Variants in SEC31A observed in about 807,000 individuals in gnomAD.
SEC31A encodes the protein SEC31 homolog A, COPII component.
SEC31A carries 70 observed loss-of-function variants against 151.0 expected under a neutral mutation model. That is an observed-to-expected ratio of 0.46 (90% CI 0.38 to 0.57). The LOEUF is 0.57. Ranked by LOEUF, SEC31A falls within the 20% of genes least tolerant of loss-of-function variation. SEC31A has a pLI of 0.00. For synonymous variants in SEC31A, 475 were observed against 505.9 expected (o/e 0.94, Z 0.82); for missense variants, 1,330 against 1,471.2 (o/e 0.90, Z 1.57).
intron 14 of SEC31A, 75 bp from the exon 15 acceptor site, chr4:82,857,839 CAT>C (rs902884983): frequency 3.7e-5 from 32 of 872,500 alleles, no homozygotes; most frequent in Admixed American, 1.4e-4. Context: ...AAAATTTACA[CAT>C]GATTCTTCAT....
intron 6 of SEC31A, among the ~76,000 whole-genome samples, chr4:82,872,475 C>T (rs887662605): frequency 8.5e-5 from 13 of 152,090 alleles, no homozygotes. Context: ...AGGCATGAGC[C>T]ACCGCGCCTG....
At chr4:82,890,192 A>G (rs1741983256) in intron 1 of SEC31A, among the ~76,000 whole-genome samples, 1 of 116,018 alleles carries the variant, frequency 8.6e-6, no homozygotes, top group Non-Finnish European at 1.7e-5. Flanking sequence ...ACAGAGCGAG[A>G]CTCCGTCTCA....
chr4:82,870,553 C>A lies in SEC31A; in HGVS notation c.783-129G>T, dbSNP rs55873673. On this transcript the variant is annotated intron_variant, in intron 7 of 26. Coordinates refer to ENST00000395310, the MANE Select transcript of SEC31A (RefSeq NM_001077207.4). ...ACAATTAAATGCAAGAGTTTCAGCG[C>A]CGGGCGCATTGGCTCACACCTGTAA... 6,000 of 730,258 alleles carry A rather than the reference C, an allele frequency of 8.2e-3. 288 individuals are homozygous for A. The African/African-American group carries it at 0.097, about 12-fold the overall frequency. The allele number at this position is 730,258 out of a possible 1,614,324, so 45.2% of individuals were successfully genotyped here.
At chr4:82,820,303 A>G (rs1446980070) in intron 26 of SEC31A, among the ~76,000 whole-genome samples, 2 of 152,012 alleles carry the variant, frequency 1.3e-5, no homozygotes, top group Non-Finnish European at 2.9e-5. Flanking sequence ...CAAGGACCAC[A>G]CTACTTCCAC....
At chr4:82,882,542 G>A (rs933546944) in intron 1 of SEC31A, among the ~76,000 whole-genome samples, 7 of 151,376 alleles carry the variant, frequency 4.6e-5, no homozygotes, top group Admixed American at 1.3e-4. Context: ...TAATAAGGTA[G>A]TACCTGAAGA....
chr4:82,874,782 C>T lies in SEC31A; in HGVS notation c.499-31G>A, dbSNP rs541444205. 57 of 1,582,244 alleles carry T rather than the reference C, an allele frequency of 3.6e-5. No individual in the cohort carries two copies. In the East Asian group the frequency reaches 5.0e-4, roughly 14 times the overall value. Reference sequence around the variant, plus strand: ...AGGAAGAAACAGTTAATAAAAACTGCTTGTTTCTCTATTATAATCAAATTT... The same window carrying T: ...AGGAAGAAACAGTTAATAAAAACTGTTTGTTTCTCTATTATAATCAAATTT... On this transcript the variant is annotated intron_variant, in intron 5 of 26. Coordinates refer to ENST00000395310, the MANE Select transcript of SEC31A (RefSeq NM_001077207.4).
rs370588646 is a variant in SEC31A, at chr4:82,844,489, C to T, written c.2523G>A (p.Pro841=). 30 of 1,613,498 alleles carry T rather than the reference C, an allele frequency of 1.9e-5. No homozygotes were observed. Among genetic ancestry groups the T allele is most frequent in the Middle Eastern group, 1.6e-4 (1 of 6,082 alleles). Residue 841 remains proline (P), a synonymous_variant, in exon 21 of 27, where the codon CCG becomes CCA. Coordinates refer to ENST00000395310, the MANE Select transcript of SEC31A (RefSeq NM_001077207.4). The stretch of plus-strand genomic sequence containing the variant: ...TAACATTTCCATGCATTATGAAACC[C>T]GGAGGTGGAGGATTTTCTCCCTAAG... The part of the protein sequence containing the change: ...YYPHGENPPP[P]GFIMHGNVNP...
chr4:82,880,547 C>T (rs1739038800), intron 3 of SEC31A: 1 of 275,056 alleles, frequency 3.6e-6, no homozygotes, highest in Non-Finnish European at 6.7e-6. Context: ...CGAGATCGTG[C>T]CACTGCACTC....
intron 25 of SEC31A, among the ~76,000 whole-genome samples, chr4:82,821,716 A>G (rs1723404997): frequency 6.6e-6 from 1 of 152,106 alleles, no homozygotes; most frequent in Non-Finnish European, 1.5e-5. Flanking sequence ...AACTCACTTG[A>G]TAAGGTATAT....
chr4:82,878,857 C>T lies in SEC31A; in HGVS notation c.275G>A (p.Gly92Asp). Residue 92 changes from glycine to aspartate, a missense_variant, in exon 4 of 27, where the codon GGT becomes GAT. Physicochemically the swap from Gly to Asp is moderately conservative, Grantham distance 94. Coordinates refer to ENST00000395310, the MANE Select transcript of SEC31A (RefSeq NM_001077207.4). ...GAGAATAATATTTCCATTTTCACCA[C>T]CTGCAATCAGAACTCCAGAGACATC... The part of the protein sequence containing the change: ...KGDVSGVLIA[G>D]GENGNIILYD... 2 of 1,613,990 alleles carry T rather than the reference C, an allele frequency of 1.2e-6. No homozygotes were observed. Among genetic ancestry groups the T allele is most frequent in the South Asian group, 1.1e-5 (1 of 91,082 alleles).
intron 22 of SEC31A, 132 bp downstream of exon 22, chr4:82,842,008 C>A (rs1729021155): frequency 7.0e-6 from 5 of 713,358 alleles, no homozygotes; most frequent in South Asian, 6.1e-5. Flanking sequence ...ACACAAAAAA[C>A]AAACCCAAAC....
intron 1 of SEC31A, among the ~76,000 whole-genome samples, chr4:82,889,572 A>G (rs1741786557): frequency 1.3e-5 from 2 of 151,756 alleles, no homozygotes; most frequent in Admixed American, 1.3e-4. Flanking sequence ...GTAAAAGAAA[A>G]AAAAAGAAAA....
chr4:82,866,948 A>C lies in SEC31A; in HGVS notation c.1057T>G (p.Phe353Val). ...QKQVDKLSSS[F>V]GNLDPFGTGQ... is the part of the protein sequence containing the mutation. ...GTGCCAAAGGGATCAAGATTCCCAA[A>C]AGATGATGAAAGCTAAAAAAGATAA... Residue 353 changes from phenylalanine to valine, a missense_variant, in exon 10 of 27, where the codon TTT (phenylalanine) becomes GTT (valine). By Grantham distance (50) the Phe-to-Val change is conservative. Coordinates refer to ENST00000395310, the MANE Select transcript of SEC31A (RefSeq NM_001077207.4). 3 of 1,607,738 alleles carry C rather than the reference A, an allele frequency of 1.9e-6. No homozygotes were observed. The highest frequency in any genetic ancestry group is 2.5e-6 in the Non-Finnish European group (3 of 1,178,524).
intron 1 of SEC31A, among the ~76,000 whole-genome samples, chr4:82,885,004 G>A (rs1740357080): frequency 1.3e-5 from 2 of 152,146 alleles, no homozygotes; most frequent in South Asian, 4.2e-4. Flanking sequence ...TAGTTATTTG[G>A]TGCATATCCA....
At chr4:82,837,743 A>G (rs1329159073) in intron 22 of SEC31A, among the ~76,000 whole-genome samples, 3 of 152,198 alleles carry the variant, frequency 2.0e-5, no homozygotes, top group African/African-American at 7.2e-5. Flanking sequence ...TCACTGGGGG[A>G]AGGAAGAGGG....
At chr4:82,829,917 C>T (rs1015204360) in intron 22 of SEC31A, among the ~76,000 whole-genome samples, 1 of 152,194 alleles carries the variant, frequency 6.6e-6, no homozygotes, top group African/African-American at 2.4e-5. Flanking sequence ...AATTCTTTCA[C>T]ATTTCACTAA....
Position 82,866,922 on chromosome 4 carries a change from T to C in SEC31A, c.1083A>G (p.Thr361=), listed in dbSNP as rs565980912. ...SSFGNLDPFG[T]GQPLPPLQIP... ...TTTGTAACGGAGGAAGGGGCTGTCC[T>C]GTGCCAAAGGGATCAAGATTCCCAA... The change falls in exon 10 of 27, where the codon ACA becomes ACG. Residue 361 remains threonine, a synonymous_variant. Coordinates refer to ENST00000395310, the MANE Select transcript of SEC31A (RefSeq NM_001077207.4). The C allele has an allele frequency of 1.9e-6, 3 of 1,614,044 alleles. No individual in the cohort carries two copies. Among genetic ancestry groups the C allele is most frequent in the South Asian group, 1.1e-5 (1 of 91,056 alleles).
At chr4:82,825,099 C>T (rs1724242408) in intron 24 of SEC31A, among the ~76,000 whole-genome samples, 1 of 152,134 alleles carries the variant, frequency 6.6e-6, no homozygotes, top group South Asian at 2.1e-4. Context: ...TTGTTTTACT[C>T]TTAGAGGTTG....
exon 1 of SEC31A, chr4:82,900,360 C>T (rs1301729683): frequency 5.2e-6 from 1 of 193,914 alleles, no homozygotes; most frequent in Non-Finnish European, 1.1e-5. Context: ...CCTCCAGTTT[C>T]AGAGACCGCA....
Sources: allele counts gnomAD v4.1 joint callset (sites outside exome capture counted in the v4.1 genomes callset), GRCh38; gene constraint gnomAD v4.1.1; transcripts MANE v1.5; gene names NCBI Gene and HGNC (gene_info 2026-07-23, HGNC 2026-07-21).